Variants in CREB3L2 observed in about 807,000 individuals in gnomAD.
CREB3L2 encodes the protein cyclic AMP-responsive element-binding protein 3-like protein 2.
In CREB3L2, 23 loss-of-function variants were observed where a neutral mutation model predicts 57.2. That is an observed-to-expected ratio of 0.40 (90% CI 0.29 to 0.57). CREB3L2 has a LOEUF of 0.57. Among genes scored for constraint, CREB3L2 ranks in the 20% least tolerant of loss-of-function variants. The pLI is 0.42. For synonymous variants in CREB3L2, 268 were observed against 265.1 expected (o/e 1.01, Z -0.11); for missense variants, 628 against 634.7 (o/e 0.99, Z 0.11).
intron 1 of CREB3L2, among the ~76,000 whole-genome samples, chr7:137,960,252 G>T (rs963675978): frequency 6.6e-6 from 1 of 152,170 alleles, no homozygotes; most frequent in African/African-American, 2.4e-5. Flanking sequence ...CATCTGTCTG[G>T]TTACATAGCT....
rs1410988414 is a variant in CREB3L2, at chr7:137,875,608, T to C, written c.*4868A>G. The C allele has an allele frequency of 4.5e-6, 1 of 224,504 alleles. No individual in the cohort carries two copies. The highest frequency in any genetic ancestry group is 2.2e-5 in the African/African-American group (1 of 44,902). The allele number at this position is 224,504 out of a possible 1,614,324, so 13.9% of individuals were successfully genotyped here. A position where few individuals can be genotyped will look rare whatever the true frequency, so the allele number is the denominator to read the frequency against. On this transcript the variant is annotated 3_prime_UTR_variant, in exon 12 of 12. Transcript: ENST00000330387. ...CGATGAGCATCACACAGCAGGGCCA[T>C]TGCAGGGGACAGGTGCTGTAATTCC...
At chr7:137,911,674 C>T (rs1330705480) in intron 4 of CREB3L2, among the ~76,000 whole-genome samples, 2 of 152,084 alleles carry the variant, frequency 1.3e-5, no homozygotes, top group African/African-American at 4.8e-5. Context: ...CCTATCTCTA[C>T]AAAAAATACA....
chr7:137,962,642 C>A (rs1412624493), intron 1 of CREB3L2, among the ~76,000 whole-genome samples: 1 of 151,946 alleles, frequency 6.6e-6, no homozygotes, highest in Non-Finnish European at 1.5e-5. Context: ...GAGCCTCCCA[C>A]CCCCCACCAG....
chr7:137,972,183 G>A (rs1372358711), intron 1 of CREB3L2, among the ~76,000 whole-genome samples: 2 of 152,152 alleles, frequency 1.3e-5, no homozygotes, highest in African/African-American at 4.8e-5. Flanking sequence ...TGGGAGGCCT[G>A]TAATCCCAGC....
intron 1 of CREB3L2, among the ~76,000 whole-genome samples, chr7:137,981,080 G>T (rs1227795464): frequency 2.6e-5 from 4 of 152,162 alleles, no homozygotes; most frequent in Non-Finnish European, 5.9e-5. Context: ...CAAGCCCTGA[G>T]TTCAGGTCCT....
chr7:137,907,311 T>G (rs1799913041), intron 5 of CREB3L2, among the ~76,000 whole-genome samples: 1 of 151,906 alleles, frequency 6.6e-6, no homozygotes, highest in Admixed American at 6.6e-5. Context: ...TGGGGAAGAG[T>G]TCCTCCATAA....
chr7:137,928,787 A>G (rs569364176), intron 1 of CREB3L2, among the ~76,000 whole-genome samples: 2 of 152,308 alleles, frequency 1.3e-5, no homozygotes, highest in African/African-American at 2.4e-5. Context: ...GACATCACGC[A>G]TCATTACACC....
chr7:137,952,879 G>A (rs1052793747), intron 1 of CREB3L2, among the ~76,000 whole-genome samples: 8 of 152,194 alleles, frequency 5.3e-5, no homozygotes, highest in Admixed American at 2.0e-4. Context: ...GTGCAGTGGC[G>A]TGATCTTGGC....
chr7:137,978,715 G>C (rs1801654810), intron 1 of CREB3L2, among the ~76,000 whole-genome samples: 1 of 152,186 alleles, frequency 6.6e-6, no homozygotes, highest in South Asian at 2.1e-4. Flanking sequence ...AGGAAGGGGG[G>C]CTATCCTGAC....
Position 138,001,829 on chromosome 7 carries a change from G to A in CREB3L2, c.-124C>T, listed in dbSNP as rs1802083905. On this transcript the variant is annotated 5_prime_UTR_variant, in exon 1 of 12. Transcript: ENST00000330387. The surrounding 1 kb of genome is among the most constrained non-coding windows in gnomAD (Gnocchi z 4.2). ...GCGTGTGTGCGCGCGCGTGTCTGTA[G>A]TTTTGCACTTGGAAAGCAAACGTCT... The A allele has an allele frequency of 1.6e-6, 1 of 626,928 alleles. No homozygotes were observed. Among genetic ancestry groups the A allele is most frequent in the South Asian group, 2.3e-5 (1 of 42,668 alleles). 38.8% of individuals were successfully genotyped at this position (626,928 alleles called of 1,614,324 possible).
In CREB3L2 at chr7:137,968,459, C is replaced by T. The variant is rs570761423; in HGVS notation, c.102+33145G>A. Among the ~76,000 whole-genome samples, 102 of 152,146 alleles carry T rather than the reference C, an allele frequency of 6.7e-4. No homozygotes were observed. The South Asian group carries it at 0.016, about 23-fold the overall frequency. On this transcript the variant is annotated intron_variant, in intron 1 of 11. Transcript: ENST00000330387. Reference sequence around the variant, plus strand: ...CCCACTTACGAGTGAGAACATGCAGCGTGTGGTTTTCTGTCCTTGTGATAT... The same window carrying T: ...CCCACTTACGAGTGAGAACATGCAGTGTGTGGTTTTCTGTCCTTGTGATAT...
intron 1 of CREB3L2, among the ~76,000 whole-genome samples, chr7:137,993,085 A>G (rs1801929483): frequency 1.3e-5 from 2 of 152,240 alleles, no homozygotes; most frequent in South Asian, 4.1e-4. Context: ...GGAAATAAAG[A>G]TGCATGAGAG....
intron 1 of CREB3L2, among the ~76,000 whole-genome samples, chr7:137,979,929 T>C (rs920917096): frequency 2.6e-5 from 4 of 152,192 alleles, no homozygotes; most frequent in African/African-American, 9.7e-5. Flanking sequence ...CATCAGTTTC[T>C]TGGGCTCCAT....
At chr7:137,958,495 G>C (rs896250791) in intron 1 of CREB3L2, among the ~76,000 whole-genome samples, 10 of 151,928 alleles carry the variant, frequency 6.6e-5, no homozygotes, top group African/African-American at 2.4e-4. Flanking sequence ...TGGAGACCCT[G>C]CCTGTTCAAA....
At chr7:137,974,768 G>T (rs1469814555) in intron 1 of CREB3L2, among the ~76,000 whole-genome samples, 1 of 152,184 alleles carries the variant, frequency 6.6e-6, no homozygotes, top group East Asian at 1.9e-4. Context: ...ATCAAGAACG[G>T]CTCCTAGGTG....
chr7:137,882,908 T>TC (rs34492803), intron 10 of CREB3L2, among the ~76,000 whole-genome samples: 24,918 of 151,198 alleles, frequency 0.16, 4,250 homozygotes, highest in African/African-American at 0.43. Context: ...AATATAAAAC[T>TC]CCCCCCTTAC....
At chr7:137,954,391 C>G (rs1311093106) in intron 1 of CREB3L2, among the ~76,000 whole-genome samples, 2 of 152,144 alleles carry the variant, frequency 1.3e-5, no homozygotes, top group African/African-American at 4.8e-5. Context: ...TAGGGGTGGA[C>G]CCAGGCAGGG....
chr7:137,985,667 C>T (rs1195928788), intron 1 of CREB3L2, among the ~76,000 whole-genome samples: 1 of 152,178 alleles, frequency 6.6e-6, no homozygotes, highest in African/African-American at 2.4e-5. Context: ...ATGACAGGGA[C>T]ATGGAACAAG....
intron 1 of CREB3L2, among the ~76,000 whole-genome samples, chr7:137,932,569 C>T (rs1024753942): frequency 1.3e-5 from 2 of 151,998 alleles, no homozygotes; most frequent in Non-Finnish European, 2.9e-5. Context: ...CCCATCTCTA[C>T]AAAAAATAAA....
Sources: allele counts gnomAD v4.1 joint callset (sites outside exome capture counted in the v4.1 genomes callset), GRCh38; gene constraint gnomAD v4.1.1; non-coding constraint Gnocchi (gnomAD v3.1); transcripts MANE v1.5; gene names NCBI Gene and HGNC (gene_info 2026-07-23, HGNC 2026-07-21).